CELSR1: variants seen among roughly 807,000 people sequenced by gnomAD.
CELSR1 encodes the protein cadherin EGF LAG seven-pass G-type receptor 1, also known as adhesion G protein-coupled receptor C1.
In CELSR1, 110 loss-of-function variants were observed where a neutral mutation model predicts 249.1. The ratio of observed to expected loss-of-function variants is 0.44; its 90% CI spans 0.38 to 0.52. The LOEUF (loss-of-function observed/expected upper bound fraction) is 0.52. Among genes scored for constraint, CELSR1 ranks in the 20% least tolerant of loss-of-function variants. CELSR1 has a pLI of 0.00. For synonymous variants in CELSR1, 2,113 were observed against 1,900.0 expected (o/e 1.11, Z -2.92); for missense variants, 4,109 against 4,296.4 (o/e 0.96, Z 1.22).
At position 46,502,331 on chromosome 22, in the gene CELSR1, G is replaced by A. The variant is rs189808506; in HGVS notation, c.3544+31296C>T. ...GAGGAAGAGGGGAGGAAGAGGGGAG[G>A]GTAGGGAGGGGGAGAGGAGGTGGGG... On this transcript the variant is annotated intron_variant, in intron 1 of 34. Coordinates refer to ENST00000674500, the MANE Select transcript of CELSR1 (RefSeq NM_001378328.1). 4.6e-3 allele frequency among the ~76,000 whole-genome samples: 593 copies of A among 128,738 alleles called. 6 individuals are homozygous for A. The highest frequency in any genetic ancestry group is 7.1e-3 in the Non-Finnish European group (429 of 60,246). 84.5% of individuals were successfully genotyped at this position (128,738 alleles called of 152,430 possible).
chr22:46,405,285 C>G (rs1310622931), intron 9 of CELSR1, among the ~76,000 whole-genome samples: 1 of 151,080 alleles, frequency 6.6e-6, no homozygotes, highest in Non-Finnish European at 1.5e-5. Context: ...CCGGTGAAAC[C>G]CTGTCTCTAC....
chr22:46,394,118 G>T, intron 14 of CELSR1, 24 bp downstream of exon 14: 1 of 1,609,558 alleles, frequency 6.2e-7, no homozygotes, highest in East Asian at 2.2e-5. Flanking sequence ...ACAGCATGCA[G>T]GGATCATGGG....
chr22:46,511,358 G>T (rs2080571662), intron 1 of CELSR1, among the ~76,000 whole-genome samples: 1 of 152,166 alleles, frequency 6.6e-6, no homozygotes, highest in South Asian at 2.1e-4. Flanking sequence ...GCTCACCACA[G>T]CCCAGGGCCC....
In CELSR1 at chr22:46,365,659, G is replaced by A; in HGVS notation, c.8331C>T (p.Ser2777=). The A allele has an allele frequency of 8.2e-6, 13 of 1,585,812 alleles. No homozygotes were observed. Among genetic ancestry groups the A allele is most frequent in the East Asian group, 2.3e-5 (1 of 43,828 alleles). The change falls in exon 31 of 35, where the codon TCC becomes TCT. Residue 2777 remains serine, a synonymous_variant. Transcript: ENST00000674500. ...CGTGGCTGCCCCTCACCAGCCCAGA[G>A]GACACGCCGAGCTTCTGGATCCCTT... is the stretch of plus-strand genomic sequence containing the variant. ...RDEGIQKLGV[S]SGLVRGSHGE... is the part of the protein sequence containing the mutation.
Position 46,417,339 on chromosome 22 carries a change from T to G in CELSR1, c.4612-5580A>C, listed in dbSNP as rs562652698. On this transcript the variant is annotated intron_variant, in intron 5 of 34. Transcript: ENST00000674500. The surrounding 1 kb of genome is among the most constrained non-coding windows in gnomAD (Gnocchi z 4.1). ...GCACGCAGCCTTCCAGAATTCAAACTGGCCTCCCAGGAGCCTCGGACAGGA... is the reference window on the plus strand; with the variant it reads ...GCACGCAGCCTTCCAGAATTCAAACGGGCCTCCCAGGAGCCTCGGACAGGA... Among the ~76,000 whole-genome samples, 22 of 152,284 alleles carry G rather than the reference T, an allele frequency of 1.4e-4. No homozygotes were observed. The highest frequency in any genetic ancestry group is 5.3e-4 in the African/African-American group (22 of 41,564).
At chr22:46,479,948 G>C (rs1333948743) in intron 1 of CELSR1, among the ~76,000 whole-genome samples, 1 of 152,062 alleles carries the variant, frequency 6.6e-6, no homozygotes, top group South Asian at 2.1e-4. Context: ...GTCTCGACTG[G>C]ACTCTGTTAA....
At position 46,473,328 on chromosome 22, in the gene CELSR1, A is replaced by G. The variant is rs2147631183; in HGVS notation, c.3545-8983T>C. On this transcript the variant is annotated intron_variant, in intron 1 of 34. Transcript: ENST00000674500. This position sits in a 1 kb window ranked among gnomAD's most constrained non-coding sequence, Gnocchi z 6.6. Reference sequence around the variant, plus strand: ...CAGTGATGGTGGATGGGAGGGACAGAGGAGATGGTCCAAGAGGACCCTAGT... The same window carrying G: ...CAGTGATGGTGGATGGGAGGGACAGGGGAGATGGTCCAAGAGGACCCTAGT... Among the ~76,000 whole-genome samples, 1 of 152,190 alleles carries G rather than the reference A, an allele frequency of 6.6e-6. No individual in the cohort carries two copies. Among genetic ancestry groups the G allele is most frequent in the East Asian group, 1.9e-4 (1 of 5,168 alleles).
At chr22:46,504,735 T>G (rs894523004) in intron 1 of CELSR1, among the ~76,000 whole-genome samples, 3 of 152,210 alleles carry the variant, frequency 2.0e-5, no homozygotes, top group Non-Finnish European at 2.9e-5. Flanking sequence ...CGAGGCCATT[T>G]GACCACGGTT....
intron 1 of CELSR1, among the ~76,000 whole-genome samples, chr22:46,466,466 C>T (rs75887993): frequency 6.6e-6 from 1 of 152,208 alleles, no homozygotes; most frequent in African/African-American, 2.4e-5. Flanking sequence ...GGCAGCACTC[C>T]CGTCCAGGGC....
chr22:46,408,985 GC>G lies in CELSR1; in HGVS notation c.5226+10del. The G allele has an allele frequency of 6.3e-7, 1 of 1,597,410 alleles. No homozygotes were observed. The highest frequency in any genetic ancestry group is 8.5e-7 in the Non-Finnish European group (1 of 1,172,978). On this transcript the variant is annotated intron_variant, in intron 9 of 34. Coordinates refer to ENST00000674500, the MANE Select transcript of CELSR1 (RefSeq NM_001378328.1). This position sits in a 1 kb window ranked among gnomAD's most constrained non-coding sequence, Gnocchi z 4.6. ...CTAGCAGGTGCCTTGGTGGCACGGG[GC>G]CCCAGTCACCTGGAGGCGAAAGCTG...
At chr22:46,435,800 A>G (rs1324473330) in intron 4 of CELSR1, among the ~76,000 whole-genome samples, 2 of 152,160 alleles carry the variant, frequency 1.3e-5, no homozygotes, top group East Asian at 3.9e-4. Flanking sequence ...TCCTGGGTTC[A>G]AGCAATTCTC....
chr22:46,517,688 ATT>A lies in CELSR1; in HGVS notation c.3544+15937_3544+15938del. Among the ~76,000 whole-genome samples the A allele has an allele frequency of 6.6e-6, 1 of 152,310 alleles. No homozygotes were observed. The highest frequency in any genetic ancestry group is 6.5e-5 in the Admixed American group (1 of 15,306). ...AGAACAATAAACCTTCATATTTTCC[ATT>A]CTCTCCTCTTTGAAGAATTGGGAGA... On this transcript the variant is annotated intron_variant, in intron 1 of 34. Coordinates refer to ENST00000674500, the MANE Select transcript of CELSR1 (RefSeq NM_001378328.1). The surrounding 1 kb of genome is among the most constrained non-coding windows in gnomAD (Gnocchi z 5.4).
In CELSR1 at chr22:46,395,053, C is replaced by A. The variant is rs1298184394; in HGVS notation, c.5844-791G>T. Among the ~76,000 whole-genome samples the A allele has an allele frequency of 2.0e-5, 3 of 152,214 alleles. No individual in the cohort carries two copies. The highest frequency in any genetic ancestry group is 4.4e-5 in the Non-Finnish European group (3 of 68,038). On this transcript the variant is annotated intron_variant, in intron 13 of 34. Coordinates refer to ENST00000674500, the MANE Select transcript of CELSR1 (RefSeq NM_001378328.1). This position sits in a 1 kb window ranked among gnomAD's most constrained non-coding sequence, Gnocchi z 5.5. Reference sequence around the variant, plus strand: ...CCCTGGCTAACCAAGTTCCCTCCACCCAGCTGCCAGCCTCTAGCATTCACT... The same window carrying A: ...CCCTGGCTAACCAAGTTCCCTCCACACAGCTGCCAGCCTCTAGCATTCACT...
rs979820452 is a variant in CELSR1 at position 46,441,006 on chromosome 22, A to T, written c.4184-1595T>A. On this transcript the variant is annotated intron_variant, in intron 2 of 34. Transcript: ENST00000674500. The surrounding 1 kb of genome is among the most constrained non-coding windows in gnomAD (Gnocchi z 6.1). The stretch of plus-strand genomic sequence containing the variant: ...CGTCTCTACTAAAAATACAAAAATT[A>T]GCCAGGCGTGGTGGCGGGTGCCTGT... Among the ~76,000 whole-genome samples the T allele has an allele frequency of 2.1e-4, 32 of 152,198 alleles. No individual in the cohort carries two copies. Among genetic ancestry groups the T allele is most frequent in the Admixed American group, 1.7e-3 (26 of 15,290 alleles).
At chr22:46,524,764 G>A (rs900326213) in intron 1 of CELSR1, among the ~76,000 whole-genome samples, 1 of 152,120 alleles carries the variant, frequency 6.6e-6, no homozygotes, top group Non-Finnish European at 1.5e-5. Flanking sequence ...AAAAGCCTAA[G>A]AATTCAGTCA....
intron 1 of CELSR1, among the ~76,000 whole-genome samples, chr22:46,486,549 A>AAC (rs2080314994): frequency 1.6e-5 from 2 of 125,658 alleles, no homozygotes; most frequent in East Asian, 2.5e-4. Flanking sequence ...CTCTGTCTCA[A>AAC]AAAAAAATAA....
chr22:46,375,033 C>G (rs1455537630), intron 24 of CELSR1, among the ~76,000 whole-genome samples: 1 of 152,168 alleles, frequency 6.6e-6, no homozygotes, highest in Non-Finnish European at 1.5e-5. Context: ...ATGGAGGCTT[C>G]TCAAGGGTGA....
Position 46,363,510 on chromosome 22 carries a change from C to T in CELSR1, c.9036-263G>A, listed in dbSNP as rs2078729294. 4.8e-6 allele frequency: 2 copies of T among 418,950 alleles called. No individual in the cohort carries two copies. The highest frequency in any genetic ancestry group is 3.6e-5 in the Admixed American group (1 of 27,502). 26.0% of individuals were successfully genotyped at this position (418,950 alleles called of 1,614,324 possible). A position where few individuals can be genotyped will look rare whatever the true frequency, so the allele number is the denominator to read the frequency against. On this transcript the variant is annotated intron_variant, in intron 34 of 34. Transcript: ENST00000674500. This position sits in a 1 kb window ranked among gnomAD's most constrained non-coding sequence, Gnocchi z 4.3. ...CCACGTTAGAAACCGGCCATCTCTA[C>T]AGTGACTTTTGGAAGGGGCATTCTG...
rs573936385 is a variant in CELSR1, at chr22:46,468,371, G to A, written c.3545-4026C>T. The stretch of plus-strand genomic sequence containing the variant: ...ACTGCACTCCAGCCTGGGCAACAAA[G>A]CAAGACTCTGTCTCAAAAAAAAAAA... On this transcript the variant is annotated intron_variant, in intron 1 of 34. Transcript: ENST00000674500. This position sits in a 1 kb window ranked among gnomAD's most constrained non-coding sequence, Gnocchi z 4.5. Among the ~76,000 whole-genome samples, 1 of 128,886 alleles carries A rather than the reference G, an allele frequency of 7.8e-6. No individual in the cohort carries two copies. The highest frequency in any genetic ancestry group is 1.6e-5 in the Non-Finnish European group (1 of 62,274). The allele number at this position is 128,886 out of a possible 152,430, so 84.6% of individuals were successfully genotyped here. A position where few individuals can be genotyped will look rare whatever the true frequency, so the allele number is the denominator to read the frequency against.
Sources: gnomAD v4.1 joint callset for allele counts (sites outside exome capture counted in the v4.1 genomes callset) on GRCh38, gnomAD v4.1.1 for gene constraint, Gnocchi (gnomAD v3.1) non-coding constraint, MANE v1.5 for transcripts, NCBI Gene and HGNC (gene_info 2026-07-23, HGNC 2026-07-21) for gene names.